The following ACSS3 variants were observed in gnomAD, a reference collection of about 807,000 sequenced individuals.
The protein encoded by ACSS3 is acyl-CoA synthetase short-chain family member 3, mitochondrial.
ACSS3 carries 64 observed loss-of-function variants against 84.2 expected under a neutral mutation model. The observed-to-expected ratio is 0.76, with a 90% CI of 0.62 to 0.94. The LOEUF (loss-of-function observed/expected upper bound fraction) is 0.94. Among genes scored for constraint, ACSS3 ranks in the 40% least tolerant of loss-of-function variants. The pLI, the probability that ACSS3 is intolerant of heterozygous loss-of-function variation, is 0.00. For synonymous variants in ACSS3, 317 were observed against 310.1 expected (o/e 1.02, Z -0.23); for missense variants, 815 against 867.6 (o/e 0.94, Z 0.76).
At chr12:81,197,039 T>C (rs1319550814) in intron 8 of ACSS3, among the ~76,000 whole-genome samples, 1 of 152,196 alleles carries the variant, frequency 6.6e-6, no homozygotes, top group Non-Finnish European at 1.5e-5. Flanking sequence ...TGAATATCTT[T>C]ATATTAGCAG....
intron 1 of ACSS3, chr12:81,094,792 G>C (rs60667682): frequency 6.6e-6 from 1 of 152,066 alleles, no homozygotes; most frequent in East Asian, 1.9e-4. Flanking sequence ...ATGAAAAAAT[G>C]TATAGTCCTA....
chr12:81,194,718 A>G (rs1362271994), intron 8 of ACSS3, among the ~76,000 whole-genome samples: 1 of 151,984 alleles, frequency 6.6e-6, no homozygotes, highest in African/African-American at 2.4e-5. Context: ...TACTGCAAAA[A>G]CACAGTAATA....
chr12:81,134,920 A>G lies in ACSS3; in HGVS notation c.561A>G (p.Ala187=). The change falls in exon 3 of 16, where the codon GCA becomes GCG. Residue 187 remains alanine (A), a synonymous_variant. Transcript: ENST00000548058. ...CACAGGCGATGTATACCATGTTGGC[A>G]TGTGCAAGGATAGGTGCCATCCACA... ...MIPQAMYTML[A]CARIGAIHSL... 1 of 1,608,112 alleles carries G rather than the reference A, an allele frequency of 6.2e-7. No homozygotes were observed. The highest frequency in any genetic ancestry group is 8.5e-7 in the Non-Finnish European group (1 of 1,176,818).
chr12:81,173,737 G>A (rs1421911714), intron 7 of ACSS3, among the ~76,000 whole-genome samples: 1 of 152,062 alleles, frequency 6.6e-6, no homozygotes, highest in East Asian at 1.9e-4. Flanking sequence ...CCTTAGTTCA[G>A]TGTTTCCTAC....
chr12:81,229,273 G>T (rs2033375514), intron 11 of ACSS3, among the ~76,000 whole-genome samples: 1 of 151,746 alleles, frequency 6.6e-6, no homozygotes, highest in South Asian at 2.1e-4. Flanking sequence ...CAAGCAGAAT[G>T]AATCTTCATC....
chr12:81,215,234 G>A (rs2032864370), intron 9 of ACSS3, among the ~76,000 whole-genome samples: 1 of 151,550 alleles, frequency 6.6e-6, no homozygotes, highest in South Asian at 2.1e-4. Flanking sequence ...CTTCCCCCCT[G>A]CCCCCCACCT....
intron 2 of ACSS3, among the ~76,000 whole-genome samples, chr12:81,127,170 A>G (rs1885156076): frequency 6.6e-6 from 1 of 151,852 alleles, no homozygotes; most frequent in Non-Finnish European, 1.5e-5. Context: ...GGCTTAGCAT[A>G]ATATCATCTT....
rs2034593740 is a variant in ACSS3 at position 81,259,268 on chromosome 12, C to T, written c.*4346C>T. The T allele has an allele frequency of 3.1e-6, 1 of 322,890 alleles. No homozygotes were observed. Among genetic ancestry groups the T allele is most frequent in the Admixed American group, 4.6e-5 (1 of 21,810 alleles). 20.0% of individuals were successfully genotyped at this position (322,890 alleles called of 1,614,324 possible). A position where few individuals can be genotyped will look rare whatever the true frequency, so the allele number is the denominator to read the frequency against. On this transcript the variant is annotated 3_prime_UTR_variant, in exon 16 of 16. Coordinates refer to ENST00000548058, the MANE Select transcript of ACSS3 (RefSeq NM_024560.4). ...TTGTCAAATGTTTGCACTCGAGACT[C>T]CATGAACCATATATTTTATTTTTTA...
At chr12:81,137,688 T>C (rs971972811) in intron 3 of ACSS3, among the ~76,000 whole-genome samples, 3 of 152,178 alleles carry the variant, frequency 2.0e-5, no homozygotes, top group Non-Finnish European at 4.4e-5. Context: ...ATTTTGACTT[T>C]ATTAAATTAT....
chr12:81,152,165 C>A, intron 7 of ACSS3, 69 bp downstream of exon 7: 1 of 1,338,844 alleles, frequency 7.5e-7, no homozygotes, highest in Non-Finnish European at 1.0e-6. Context: ...TGAAGCAGTC[C>A]TGAGTAGGAT....
chr12:81,180,384 A>G (rs947576590), intron 8 of ACSS3, among the ~76,000 whole-genome samples: 3 of 152,252 alleles, frequency 2.0e-5, no homozygotes, highest in African/African-American at 7.2e-5. Flanking sequence ...TGGATAAAAC[A>G]AAGTGAAGAA....
chr12:81,097,376 C>T (rs1882144069), intron 1 of ACSS3, among the ~76,000 whole-genome samples: 1 of 152,192 alleles, frequency 6.6e-6, no homozygotes. Context: ...TGCACAAACA[C>T]ATAGTGGACC....
rs1593175944 is a variant in ACSS3, at chr12:81,188,312, T to C, written c.1251-11029T>C. 2.6e-5 allele frequency among the ~76,000 whole-genome samples: 4 copies of C among 152,052 alleles called. No homozygotes were observed. The South Asian group carries it at 8.3e-4, about 31-fold the overall frequency. ...TGTCATTACTTTAAAAAATATTTCA[T>C]ATGAAGTAGAAGTAATTTAATAGGG... On this transcript the variant is annotated intron_variant, in intron 8 of 15. Coordinates refer to ENST00000548058, the MANE Select transcript of ACSS3 (RefSeq NM_024560.4).
intron 1 of ACSS3, among the ~76,000 whole-genome samples, chr12:81,079,238 C>T (rs949840728): frequency 3.9e-5 from 6 of 152,126 alleles, no homozygotes; most frequent in African/African-American, 1.4e-4. Flanking sequence ...TTACAACAAA[C>T]GCAGACACAT....
intron 5 of ACSS3, among the ~76,000 whole-genome samples, chr12:81,143,920 C>T (rs1452581199): frequency 6.6e-6 from 1 of 152,180 alleles, no homozygotes; most frequent in African/African-American, 2.4e-5. Flanking sequence ...CTCCAAATAA[C>T]ACTGTTTCTT....
At chr12:81,167,069 C>T (rs529831083) in intron 7 of ACSS3, among the ~76,000 whole-genome samples, 3 of 152,350 alleles carry the variant, frequency 2.0e-5, no homozygotes, top group African/African-American at 7.2e-5. Context: ...GGGGTAAATG[C>T]TCTCTGTGAC....
intron 11 of ACSS3, among the ~76,000 whole-genome samples, chr12:81,224,778 G>T (rs1039672293): frequency 6.6e-6 from 1 of 151,812 alleles, no homozygotes; most frequent in African/African-American, 2.4e-5. Context: ...GCTTAGTCTT[G>T]CCAGGATGTG....
intron 5 of ACSS3, among the ~76,000 whole-genome samples, chr12:81,150,434 A>T (rs1886553796): frequency 6.6e-6 from 1 of 152,216 alleles, no homozygotes. Context: ...AGATCTTCTC[A>T]ATAGAACAAA....
At chr12:81,243,365 C>A (rs1401354389) in intron 13 of ACSS3, among the ~76,000 whole-genome samples, 1 of 152,114 alleles carries the variant, frequency 6.6e-6, no homozygotes, top group Non-Finnish European at 1.5e-5. Flanking sequence ...AAAGAGGATA[C>A]AAAGAAATGC....
Sources: allele counts gnomAD v4.1 joint callset (sites outside exome capture counted in the v4.1 genomes callset), GRCh38; gene constraint gnomAD v4.1.1; transcripts MANE v1.5; gene names NCBI Gene and HGNC (gene_info 2026-07-23, HGNC 2026-07-21).